Variants in PTPRD observed in about 807,000 individuals in gnomAD.
PTPRD encodes receptor-type tyrosine-protein phosphatase delta.
A neutral mutation model predicts 214.5 loss-of-function variants in PTPRD; 34 were observed. The observed-to-expected ratio is 0.16, with a 90% confidence interval of 0.12 to 0.21. The LOEUF (loss-of-function observed/expected upper bound fraction) is 0.21, where lower values mean the gene tolerates loss of function less well. Among genes scored for constraint, PTPRD ranks in the 10% least tolerant of loss-of-function variants. PTPRD has a pLI of 1.00. For missense variants in PTPRD, 2,545 were observed against 2,398.7 expected, an observed-to-expected ratio of 1.06 and a Z score of -1.27; for synonymous variants, 1,128 against 845.7, an observed-to-expected ratio of 1.33 and a Z score of -5.79.
At chr9:10,531,782 T>A (rs537106586) in intron 2 of PTPRD, among the ~76,000 whole-genome samples, 3 of 152,296 alleles carry the variant, frequency 2.0e-5, no homozygotes, top group African/African-American at 7.2e-5. Flanking sequence ...ACAAACACAA[T>A]TGTAGCTTTG....
intron 8 of PTPRD, among the ~76,000 whole-genome samples, chr9:9,418,442 T>G (rs931172693): frequency 1.3e-5 from 2 of 152,136 alleles, no homozygotes; most frequent in South Asian, 2.1e-4. Flanking sequence ...GAGCTCTTAT[T>G]TGAAGATTAA....
chr9:8,344,032 T>C (rs904764267), intron 39 of PTPRD, among the ~76,000 whole-genome samples: 22 of 152,032 alleles, frequency 1.4e-4, no homozygotes, highest in African/African-American at 5.1e-4. Flanking sequence ...GGTCTCCTGA[T>C]ATGCCATCAG....
At chr9:8,974,805 A>C (rs748534672) in intron 11 of PTPRD, among the ~76,000 whole-genome samples, 7 of 151,994 alleles carry the variant, frequency 4.6e-5, no homozygotes, top group Non-Finnish European at 8.8e-5. Flanking sequence ...TGCACCAAGA[A>C]AGATATTTGG....
intron 8 of PTPRD, among the ~76,000 whole-genome samples, chr9:9,444,235 T>C (rs993209812): frequency 6.6e-6 from 1 of 152,194 alleles, no homozygotes; most frequent in Admixed American, 6.5e-5. Context: ...TTCTATAATA[T>C]GCTTTACTTT....
At chr9:9,105,011 A>T (rs906758170) in intron 10 of PTPRD, among the ~76,000 whole-genome samples, 1 of 152,228 alleles carries the variant, frequency 6.6e-6, no homozygotes, top group African/African-American at 2.4e-5. Flanking sequence ...TCCGTTTAGG[A>T]CATTAAAAGA....
chr9:9,382,605 C>G (rs1157419111), intron 9 of PTPRD, among the ~76,000 whole-genome samples: 2 of 151,962 alleles, frequency 1.3e-5, no homozygotes, highest in Non-Finnish European at 2.9e-5. Flanking sequence ...AATGAGATAT[C>G]ACTTCACATC....
At chr9:9,398,354 A>C (rs2068726555) in intron 8 of PTPRD, among the ~76,000 whole-genome samples, 1 of 151,976 alleles carries the variant, frequency 6.6e-6, no homozygotes, top group Non-Finnish European at 1.5e-5. Flanking sequence ...TTATGCCTTA[A>C]CCCTGTTCAT....
At chr9:9,543,818 G>C (rs1285999756) in intron 8 of PTPRD, among the ~76,000 whole-genome samples, 1 of 151,612 alleles carries the variant, frequency 6.6e-6, no homozygotes, top group African/African-American at 2.4e-5. Flanking sequence ...ATTAAAACAT[G>C]AAAATAACTG....
At chr9:10,505,010 C>T (rs1161939431) in intron 2 of PTPRD, among the ~76,000 whole-genome samples, 1 of 152,162 alleles carries the variant, frequency 6.6e-6, no homozygotes, top group African/African-American at 2.4e-5. Flanking sequence ...GCTCAAACAC[C>T]ATGCCAATCT....
intron 10 of PTPRD, among the ~76,000 whole-genome samples, chr9:9,134,432 G>C (rs1256332757): frequency 6.6e-6 from 1 of 151,956 alleles, no homozygotes; most frequent in Non-Finnish European, 1.5e-5. Context: ...CAATTCTCTT[G>C]GCTTTACCTT....
At chr9:10,393,061 G>A (rs532448142) in intron 2 of PTPRD, among the ~76,000 whole-genome samples, 3 of 151,734 alleles carry the variant, frequency 2.0e-5, no homozygotes, top group Admixed American at 6.6e-5. Flanking sequence ...CTGAACTCCT[G>A]ATGCTCACTC....
rs930916446 is a variant in PTPRD at position 9,244,192 on chromosome 9, G to A, written c.-202-60829C>T. Among the ~76,000 whole-genome samples the A allele has an allele frequency of 4.1e-4, 63 of 152,174 alleles. No homozygotes were observed. The Middle Eastern group carries it at 0.01, about 25-fold the overall frequency. On this transcript the variant is annotated intron_variant, in intron 9 of 45. Coordinates refer to ENST00000381196, the MANE Select transcript of PTPRD (RefSeq NM_002839.4). ...CTCATGGATAGGAAGAATCAATATC[G>A]TGAAAATGGCCATACTGCCCAAGGT...
intron 2 of PTPRD, among the ~76,000 whole-genome samples, chr9:10,469,372 T>G (rs530741775): frequency 9.9e-5 from 15 of 152,096 alleles, no homozygotes; most frequent in Non-Finnish European, 8.8e-5. Context: ...AAAAACATTA[T>G]AAAACAGGAC....
intron 2 of PTPRD, among the ~76,000 whole-genome samples, chr9:10,496,324 G>A (rs1417646104): frequency 2.0e-5 from 3 of 151,718 alleles, no homozygotes; most frequent in African/African-American, 7.3e-5. Flanking sequence ...TAACACTCTG[G>A]CATTTTTCGA....
intron 14 of PTPRD, among the ~76,000 whole-genome samples, chr9:8,554,075 C>A (rs925034926): frequency 1.3e-5 from 2 of 152,256 alleles, no homozygotes; most frequent in Admixed American, 6.5e-5. Context: ...GTAATCCCAG[C>A]TACTTGGAAG....
At chr9:9,412,464 T>C (rs1333586069) in intron 8 of PTPRD, among the ~76,000 whole-genome samples, 1 of 152,060 alleles carries the variant, frequency 6.6e-6, no homozygotes, top group Non-Finnish European at 1.5e-5. Context: ...AGATAGAGAC[T>C]CTCATCCCCC....
intron 9 of PTPRD, among the ~76,000 whole-genome samples, chr9:9,261,509 C>A (rs1315356071): frequency 6.6e-6 from 1 of 151,716 alleles, no homozygotes; most frequent in Non-Finnish European, 1.5e-5. Flanking sequence ...AGAAAAAGAA[C>A]TGGTCTTTGC....
intron 2 of PTPRD, among the ~76,000 whole-genome samples, chr9:10,378,117 G>C (rs760374483): frequency 1.3e-5 from 2 of 152,104 alleles, no homozygotes; most frequent in African/African-American, 2.4e-5. Context: ...AATGGAGAGA[G>C]ATGATGTATT....
intron 8 of PTPRD, among the ~76,000 whole-genome samples, chr9:9,573,183 C>G (rs1447686326): frequency 1.3e-5 from 2 of 151,572 alleles, no homozygotes; most frequent in Non-Finnish European, 3.0e-5. Context: ...GAGCAATTTA[C>G]CACTGCACAC....
Sources: allele counts gnomAD v4.1 joint callset (sites outside exome capture counted in the v4.1 genomes callset), GRCh38; gene constraint gnomAD v4.1.1; transcripts MANE v1.5; gene names NCBI Gene and HGNC (gene_info 2026-07-23, HGNC 2026-07-21).